Variants in SHANK2 observed in about 807,000 individuals in gnomAD.
The protein encoded by SHANK2 is SH3 and multiple ankyrin repeat domains protein 2.
Under a neutral mutation model 133.7 loss-of-function variants are expected in SHANK2, and 43 were observed. The observed-to-expected ratio is 0.32, with a 90% CI of 0.25 to 0.41. SHANK2 has a LOEUF of 0.41. Ranked by LOEUF, SHANK2 falls within the 10% of genes least tolerant of loss-of-function variation. The pLI is 1.00. For missense variants in SHANK2, 1,994 were observed against 2,235.8 expected (o/e 0.89, Z 2.18); for synonymous variants, 1,017 against 952.8 (o/e 1.07, Z -1.24).
chr11:70,695,788 C>A (rs782142909), intron 15 of SHANK2, among the ~76,000 whole-genome samples: 3 of 152,172 alleles, frequency 2.0e-5, no homozygotes, highest in African/African-American at 7.2e-5. Flanking sequence ...GGGTGGCGCA[C>A]GGGAGGAGTG....
chr11:70,734,369 G>A (rs1245426161), intron 14 of SHANK2, among the ~76,000 whole-genome samples: 16 of 152,228 alleles, frequency 1.1e-4, no homozygotes, highest in African/African-American at 3.4e-4. Context: ...GACTTCAAAG[G>A]TGAGGCGCAT....
At chr11:70,810,761 C>T (rs72937515) in intron 12 of SHANK2, among the ~76,000 whole-genome samples, 38,935 of 152,072 alleles carry the variant, frequency 0.26, 5,110 homozygotes, top group Admixed American at 0.33. Context: ...TGCTGGGAGA[C>T]TAATGAGAAA....
At chr11:70,753,326 C>G (rs782276069) in intron 14 of SHANK2, among the ~76,000 whole-genome samples, 2 of 152,020 alleles carry the variant, frequency 1.3e-5, no homozygotes, top group Non-Finnish European at 2.9e-5. Flanking sequence ...TCAAAAGGAC[C>G]GAACTGACAT....
intron 11 of SHANK2, among the ~76,000 whole-genome samples, chr11:70,888,746 G>T (rs548731423): frequency 6.6e-6 from 1 of 152,268 alleles, no homozygotes; most frequent in South Asian, 2.1e-4. Context: ...GAACCTGGGA[G>T]GTGGAGGTTG....
chr11:70,683,859 C>T (rs782707500), intron 15 of SHANK2, among the ~76,000 whole-genome samples: 95 of 151,962 alleles, frequency 6.3e-4, no homozygotes, highest in Non-Finnish European at 9.1e-4. Flanking sequence ...TCTTGGCTCA[C>T]TGCAAACTCC....
intron 10 of SHANK2, among the ~76,000 whole-genome samples, chr11:70,915,338 C>T (rs1555079698): frequency 6.6e-6 from 1 of 152,214 alleles, no homozygotes; most frequent in Non-Finnish European, 1.5e-5. Flanking sequence ...CTAGCAACTA[C>T]ACGCTGGCGC....
chr11:70,665,046 C>G (rs1944653610), intron 15 of SHANK2, among the ~76,000 whole-genome samples: 1 of 152,220 alleles, frequency 6.6e-6, no homozygotes, highest in African/African-American at 2.4e-5. Context: ...ACACGCCACC[C>G]TCTCTTCCCC....
chr11:70,664,179 C>A (rs1326183855), intron 15 of SHANK2, among the ~76,000 whole-genome samples: 1 of 152,190 alleles, frequency 6.6e-6, no homozygotes, highest in Non-Finnish European at 1.5e-5. Flanking sequence ...GTCCCTCGAC[C>A]TGTCTCCACG....
chr11:70,522,792 C>T (rs2059346699), intron 17 of SHANK2, among the ~76,000 whole-genome samples: 1 of 152,214 alleles, frequency 6.6e-6, no homozygotes, highest in Non-Finnish European at 1.5e-5. Flanking sequence ...GGGCACTGCC[C>T]CCACCTCCAA....
chr11:70,570,600 G>C (rs183213220), intron 17 of SHANK2: 1 of 152,460 alleles, frequency 6.6e-6, no homozygotes. Flanking sequence ...CCACAGCTGC[G>C]GCCTCCAGTG....
At chr11:71,206,075 A>G (rs553454408) in intron 2 of SHANK2, among the ~76,000 whole-genome samples, 24 of 152,262 alleles carry the variant, frequency 1.6e-4, no homozygotes, top group African/African-American at 5.8e-4. Flanking sequence ...CACGTTTCCT[A>G]AAGTGGCTAC....
chr11:70,825,923 T>G (rs1327274672), intron 11 of SHANK2, among the ~76,000 whole-genome samples: 1 of 152,160 alleles, frequency 6.6e-6, no homozygotes, highest in East Asian at 1.9e-4. Flanking sequence ...ATTTATACAT[T>G]TTTTTCCCCA....
chr11:71,170,168 CA>C (rs1555111883), intron 2 of SHANK2, among the ~76,000 whole-genome samples: 1 of 151,954 alleles, frequency 6.6e-6, no homozygotes, highest in African/African-American at 2.4e-5. Flanking sequence ...AAAATACATC[CA>C]AATTTTTTTT....
Position 71,208,964 on chromosome 11 carries a change from T to C in SHANK2, c.-13+15733A>G, listed in dbSNP as rs143803544. On this transcript the variant is annotated intron_variant, in intron 2 of 25. Coordinates refer to ENST00000601538, the MANE Select transcript of SHANK2 (RefSeq NM_012309.5). ...CGTTACATGTCTCCAGGAAAAGGCA[T>C]CTGCAGAAGTAAGATGCACCGTCAG... Among the ~76,000 whole-genome samples the C allele has an allele frequency of 4.9e-3, 742 of 152,284 alleles. 4 individuals carry two copies. Among genetic ancestry groups the C allele is most frequent in the Non-Finnish European group, 8.0e-3 (545 of 68,016 alleles).
chr11:70,927,407 G>A (rs1217193232), intron 10 of SHANK2, among the ~76,000 whole-genome samples: 1 of 152,088 alleles, frequency 6.6e-6, no homozygotes, highest in Non-Finnish European at 1.5e-5. Flanking sequence ...GAGAGCCGTT[G>A]GAAGCACAGG....
chr11:70,673,597 C>A (rs1381082573), intron 15 of SHANK2, among the ~76,000 whole-genome samples: 1 of 152,264 alleles, frequency 6.6e-6, no homozygotes, highest in African/African-American at 2.4e-5. Context: ...TGACAGTCAC[C>A]TGATGTCCTG....
At chr11:70,515,975 C>T (rs1364011243) in intron 17 of SHANK2, among the ~76,000 whole-genome samples, 1 of 151,888 alleles carries the variant, frequency 6.6e-6, no homozygotes, top group Non-Finnish European at 1.5e-5. Context: ...ATACTGGTTT[C>T]TTCAGTTGTT....
At chr11:70,787,246 C>G (rs1405528850) in intron 14 of SHANK2, among the ~76,000 whole-genome samples, 2 of 149,130 alleles carry the variant, frequency 1.3e-5, no homozygotes, top group African/African-American at 5.0e-5. Context: ...CTATCATCGC[C>G]GTGACCACCA....
intron 10 of SHANK2, among the ~76,000 whole-genome samples, chr11:70,900,501 T>C (rs1483765689): frequency 6.6e-6 from 1 of 152,104 alleles, no homozygotes; most frequent in African/African-American, 2.4e-5. Flanking sequence ...CACACCCACA[T>C]CTGCACTGGA....
Sources: allele counts gnomAD v4.1 joint callset (sites outside exome capture counted in the v4.1 genomes callset), GRCh38; gene constraint gnomAD v4.1.1; transcripts MANE v1.5; gene names NCBI Gene and HGNC (gene_info 2026-07-23, HGNC 2026-07-21).